MERTK: variants seen among roughly 807,000 people sequenced by gnomAD.
The protein encoded by MERTK is MER proto-oncogene, tyrosine kinase, also known as tyrosine-protein kinase Mer.
Under a neutral mutation model 99.3 loss-of-function variants are expected in MERTK, and 69 were observed. The ratio of observed to expected loss-of-function variants is 0.70; its 90% CI spans 0.57 to 0.85. The LOEUF (loss-of-function observed/expected upper bound fraction) is 0.85, where lower values mean the gene tolerates loss of function less well. Ranked by LOEUF, MERTK falls within the 40% of genes least tolerant of loss-of-function variation. The pLI, the probability that MERTK is intolerant of heterozygous loss-of-function variation, is 0.00. For synonymous variants in MERTK, 426 were observed against 467.6 expected, an observed-to-expected ratio of 0.91 and a Z score of 1.15; for missense variants, 1,125 against 1,249.4, an observed-to-expected ratio of 0.90 and a Z score of 1.50.
At chr2:111,919,944 T>C (rs1019130685) in intron 1 of MERTK, among the ~76,000 whole-genome samples, 2 of 151,950 alleles carry the variant, frequency 1.3e-5, no homozygotes, top group African/African-American at 4.8e-5. Flanking sequence ...AGAGGTTGGA[T>C]AGCTTTCCTG....
At chr2:112,006,651 T>A (rs2104409987) in intron 13 of MERTK, among the ~76,000 whole-genome samples, 2 of 152,280 alleles carry the variant, frequency 1.3e-5, no homozygotes, top group South Asian at 4.2e-4. Flanking sequence ...GCATAGGGAT[T>A]ACACCCCTGC....
intron 18 of MERTK, among the ~76,000 whole-genome samples, chr2:112,023,781 C>T (rs1331435611): frequency 6.6e-6 from 1 of 152,124 alleles, no homozygotes; most frequent in African/African-American, 2.4e-5. Context: ...GGGGCATTCT[C>T]ACCATATTTA....
intron 1 of MERTK, among the ~76,000 whole-genome samples, chr2:111,903,785 G>T (rs1684088085): frequency 1.3e-5 from 2 of 152,172 alleles, no homozygotes; most frequent in Non-Finnish European, 2.9e-5. Context: ...GGGTACAGTG[G>T]GAGGCTCTTT....
At chr2:111,931,397 T>C (rs1184154103) in intron 2 of MERTK, among the ~76,000 whole-genome samples, 2 of 152,182 alleles carry the variant, frequency 1.3e-5, no homozygotes, top group Admixed American at 6.5e-5. Context: ...TACAATTACA[T>C]AGACATAGCT....
chr2:111,947,269 TCCCC>T, intron 3 of MERTK, 121 bp from the exon 4 acceptor site: 1 of 635,404 alleles, frequency 1.6e-6, no homozygotes, highest in Admixed American at 2.3e-5. Context: ...CAAGACTCCA[TCCCC>T]ACCCGCCCCC....
chr2:111,999,135 A>AT (rs1345755225), intron 10 of MERTK, among the ~76,000 whole-genome samples: 3 of 152,068 alleles, frequency 2.0e-5, no homozygotes, highest in Non-Finnish European at 4.4e-5. Context: ...GTACATCAGT[A>AT]TTTTTTTCAA....
intron 5 of MERTK, among the ~76,000 whole-genome samples, chr2:111,967,769 ACTCTGT>A (rs1010801403): frequency 3.3e-5 from 5 of 152,040 alleles, no homozygotes; most frequent in African/African-American, 1.2e-4. Context: ...CAGGGCTATG[ACTCTGT>A]CTCTGTTTAG....
At chr2:111,901,344 T>G (rs1224370599) in intron 1 of MERTK, among the ~76,000 whole-genome samples, 1 of 152,212 alleles carries the variant, frequency 6.6e-6, no homozygotes, top group Non-Finnish European at 1.5e-5. Flanking sequence ...ATGTTAATAT[T>G]TCTTTTCCAA....
intron 8 of MERTK, among the ~76,000 whole-genome samples, chr2:111,993,687 A>G (rs1053599117): frequency 1.3e-5 from 2 of 152,212 alleles, no homozygotes; most frequent in African/African-American, 4.8e-5. Flanking sequence ...AGTGACTTTA[A>G]AATAACATAC....
rs570040493 is a variant in MERTK, at chr2:111,986,387, T to C, written c.1296+3394T>C. The stretch of plus-strand genomic sequence containing the variant: ...ATGCTTGGTATAGCTATACTAAGCA[T>C]AAAGGTTCAGTAGGAATTTTATCTT... On this transcript the variant is annotated intron_variant, in intron 8 of 18. Coordinates refer to ENST00000295408, the MANE Select transcript of MERTK (RefSeq NM_006343.3). 2.5e-3 allele frequency among the ~76,000 whole-genome samples: 377 copies of C among 152,330 alleles called. 2 individuals are homozygous for C. In the South Asian group the frequency reaches 0.033, roughly 13 times the overall value.
At chr2:112,025,875 T>A (rs563622907) in intron 18 of MERTK, among the ~76,000 whole-genome samples, 1 of 152,342 alleles carries the variant, frequency 6.6e-6, no homozygotes, top group South Asian at 2.1e-4. Context: ...CACACTGTTG[T>A]ATAACCATCA....
rs374043440 is a variant in MERTK at position 111,994,322 on chromosome 2, G to A, written c.1368G>A (p.Thr456=). Residue 456 remains threonine, a synonymous_variant, in exon 9 of 19, where the codon ACG becomes ACA. Transcript: ENST00000295408. ...TCTCTGTTCAAGTCCACAATGCTAC[G>A]TGCACAGTGAGGATTGCAGCCGTCA... is the stretch of plus-strand genomic sequence containing the variant. ...ARISVQVHNA[T]CTVRIAAVTR... is the part of the protein sequence containing the mutation. The A allele has an allele frequency of 8.1e-5, 131 of 1,614,028 alleles. No homozygotes were observed. The highest frequency in any genetic ancestry group is 4.7e-4 in the Admixed American group (28 of 59,996).
intron 14 of MERTK, among the ~76,000 whole-genome samples, chr2:112,009,210 A>C (rs528525605): frequency 6.6e-6 from 1 of 152,340 alleles, no homozygotes; most frequent in East Asian, 1.9e-4. Flanking sequence ...AGAGATGTGA[A>C]AATCAATGTT....
intron 1 of MERTK, 35 bp downstream of exon 1, chr2:111,898,831 T>C (rs1182900810): frequency 6.4e-7 from 1 of 1,560,128 alleles, no homozygotes. Flanking sequence ...GGCGAGGGGG[T>C]GGGGGCTCCC....
At chr2:111,949,267 T>C (rs1685013811) in intron 4 of MERTK, among the ~76,000 whole-genome samples, 1 of 152,136 alleles carries the variant, frequency 6.6e-6, no homozygotes, top group Admixed American at 6.5e-5. Flanking sequence ...AGAGAACATA[T>C]GCTCAGTAAG....
In MERTK at chr2:111,941,061, G is replaced by A. The variant is rs1684857754; in HGVS notation, c.483-3899G>A. 8.6e-6 allele frequency: 4 copies of A among 466,832 alleles called. No individual in the cohort carries two copies. The Admixed American group carries it at 1.0e-4, about 12-fold the overall frequency. The allele number at this position is 466,832 out of a possible 1,614,324, so 28.9% of individuals were successfully genotyped here. ...TGCTCCCCGCTTCTCACTCTCTTTG[G>A]CTTTTACTCTTTTACTTTGGCAAGG... On this transcript the variant is annotated intron_variant, in intron 2 of 18. Coordinates refer to ENST00000295408, the MANE Select transcript of MERTK (RefSeq NM_006343.3).
chr2:111,976,906 A>G (rs1676264809), intron 7 of MERTK, among the ~76,000 whole-genome samples: 2 of 152,072 alleles, frequency 1.3e-5, no homozygotes, highest in Admixed American at 1.3e-4. Flanking sequence ...ATCACAGTGT[A>G]CCTTCAAGTG....
intron 1 of MERTK, among the ~76,000 whole-genome samples, chr2:111,916,402 A>G (rs565493628): frequency 6.6e-6 from 1 of 151,964 alleles, no homozygotes; most frequent in South Asian, 2.1e-4. Context: ...CATTTTTTTC[A>G]GTCTCTTCTC....
intron 1 of MERTK, among the ~76,000 whole-genome samples, chr2:111,915,161 C>T (rs1379744862): frequency 1.3e-5 from 2 of 152,286 alleles, no homozygotes; most frequent in Admixed American, 6.5e-5. Flanking sequence ...CTCTATGCTA[C>T]CAAATTCATG....
Sources: gnomAD v4.1 joint callset for allele counts (sites outside exome capture counted in the v4.1 genomes callset) on GRCh38, gnomAD v4.1.1 for gene constraint, MANE v1.5 for transcripts, NCBI Gene and HGNC (gene_info 2026-07-23, HGNC 2026-07-21) for gene names.